IL1RAPL2: variants seen among roughly 807,000 people sequenced by gnomAD.
IL1RAPL2 encodes the protein interleukin 1 receptor accessory protein like 2.
A neutral mutation model predicts 44.1 loss-of-function variants in IL1RAPL2; 3 were observed. That is an observed-to-expected ratio of 0.07 (90% CI 0.03 to 0.18). The LOEUF (loss-of-function observed/expected upper bound fraction) is 0.18. Among genes scored for constraint, IL1RAPL2 ranks in the 10% least tolerant of loss-of-function variants. The probability of loss-of-function intolerance (pLI) is 1.00; values close to 1 mark genes in which losing one functional copy is unlikely to be tolerated. For synonymous variants in IL1RAPL2, 181 were observed against 178.8 expected (o/e 1.01, Z -0.10); for missense variants, 391 against 496.4 (o/e 0.79, Z 2.02).
intron 2 of IL1RAPL2, among the ~76,000 whole-genome samples, chrX:104,674,177 A>T (rs778811900): frequency 9.8e-5 from 11 of 112,083 alleles, no homozygotes; most frequent in East Asian, 5.6e-4. Context: ...GTCTTGTGCC[A>T]GTTTTCAAAG....
At chrX:105,686,380 C>CA (rs1177667576) in intron 6 of IL1RAPL2, among the ~76,000 whole-genome samples, 604 of 25,115 alleles carry the variant, frequency 0.024, 9 homozygotes, top group East Asian at 0.049. Flanking sequence ...AAATGGAAAG[C>CA]AAAAAAAAAA....
intron 2 of IL1RAPL2, among the ~76,000 whole-genome samples, chrX:104,913,572 A>G (rs896824724): frequency 2.7e-5 from 3 of 111,804 alleles, no homozygotes; most frequent in East Asian, 2.8e-4. Flanking sequence ...ATTTTAAGCA[A>G]CAGTAAAGGA....
At chrX:104,752,952 A>ATG (rs941505995) in intron 2 of IL1RAPL2, among the ~76,000 whole-genome samples, 9 of 109,658 alleles carry the variant, frequency 8.2e-5, no homozygotes, top group African/African-American at 3.0e-4. Flanking sequence ...AACTTTGCTC[A>ATG]TGTGCCCTGT....
At chrX:105,287,024 G>A (rs908989807) in intron 5 of IL1RAPL2, among the ~76,000 whole-genome samples, 3 of 111,918 alleles carry the variant, frequency 2.7e-5, no homozygotes, top group African/African-American at 9.7e-5. Flanking sequence ...AGAAAATCAC[G>A]CACAGTTCTT....
chrX:104,946,205 T>C (rs774310696), intron 2 of IL1RAPL2, among the ~76,000 whole-genome samples: 30 of 100,718 alleles, frequency 3.0e-4, no homozygotes, highest in Non-Finnish European at 4.4e-4. Flanking sequence ...ACCCCGTCTC[T>C]ACTAAAAATA....
intron 2 of IL1RAPL2, among the ~76,000 whole-genome samples, chrX:104,911,009 C>A (rs778607235): frequency 1.2e-4 from 13 of 111,451 alleles, no homozygotes; most frequent in South Asian, 3.8e-4. Context: ...ATGAAGCAAC[C>A]AACTTTATGC....
intron 2 of IL1RAPL2, among the ~76,000 whole-genome samples, chrX:104,973,663 A>G (rs1316363596): frequency 8.9e-6 from 1 of 112,246 alleles, no homozygotes; most frequent in African/African-American, 3.2e-5. Context: ...AGTCAATTAT[A>G]AACAATTTTC....
intron 2 of IL1RAPL2, among the ~76,000 whole-genome samples, chrX:104,668,767 C>A (rs1427716911): frequency 1.8e-5 from 2 of 108,794 alleles, no homozygotes; most frequent in Non-Finnish European, 3.8e-5. Context: ...TTCTGCATCT[C>A]TGAAGTAGCG....
At chrX:105,392,907 A>G (rs1444640253) in intron 5 of IL1RAPL2, among the ~76,000 whole-genome samples, 3 of 111,915 alleles carry the variant, frequency 2.7e-5, no homozygotes, top group African/African-American at 6.5e-5. Context: ...TGTTGGCTCT[A>G]CTCTTTAAGT....
intron 4 of IL1RAPL2, among the ~76,000 whole-genome samples, chrX:105,241,689 T>C (rs2034172102): frequency 8.9e-6 from 1 of 111,952 alleles, no homozygotes; most frequent in Admixed American, 9.5e-5. Flanking sequence ...ATTTCAATGT[T>C]CAATTTACAA....
In IL1RAPL2 at chrX:104,775,969, T is replaced by C. The variant is rs373709643; in HGVS notation, c.82+116974T>C. Among the ~76,000 whole-genome samples, 8 of 107,223 alleles carry C rather than the reference T, an allele frequency of 7.5e-5. No homozygotes were observed. The East Asian group carries it at 1.2e-3, about 17-fold the overall frequency. The allele number at this position is 107,223 out of a possible 115,157, so 93.1% of individuals were successfully genotyped here. A position where few individuals can be genotyped will look rare whatever the true frequency, so the allele number is the denominator to read the frequency against. On this transcript the variant is annotated intron_variant, in intron 2 of 10. Transcript: ENST00000372582. ...ACAGTAATGGGTATATGAGGGAGGA[T>C]TGGGATCCTGAGAGAAGAGGTATTC...
chrX:105,476,006 C>CA (rs2036195672), intron 5 of IL1RAPL2, among the ~76,000 whole-genome samples: 1 of 112,701 alleles, frequency 8.9e-6, no homozygotes, highest in Non-Finnish European at 1.9e-5. Flanking sequence ...AGGGCACATC[C>CA]ACTGAATTGC....
intron 5 of IL1RAPL2, among the ~76,000 whole-genome samples, chrX:105,435,667 A>G (rs1379650427): frequency 1.8e-5 from 2 of 112,199 alleles, no homozygotes; most frequent in East Asian, 2.8e-4. Flanking sequence ...GATAGACTGG[A>G]TAAAGAAAAT....
At chrX:104,611,710 G>A (rs980036122) in intron 1 of IL1RAPL2, among the ~76,000 whole-genome samples, 4 of 109,154 alleles carry the variant, frequency 3.7e-5, no homozygotes, top group Non-Finnish European at 5.7e-5. Flanking sequence ...GATGGCAGGC[G>A]CCTGTAGTCC....
At chrX:104,944,235 A>G (rs1320326345) in intron 2 of IL1RAPL2, among the ~76,000 whole-genome samples, 1 of 112,169 alleles carries the variant, frequency 8.9e-6, no homozygotes, top group Non-Finnish European at 1.9e-5. Context: ...CCTCTAGTAG[A>G]AAAGCAAGGA....
At chrX:104,903,342 A>G (rs1174689495) in intron 2 of IL1RAPL2, among the ~76,000 whole-genome samples, 1 of 111,983 alleles carries the variant, frequency 8.9e-6, no homozygotes, top group African/African-American at 3.2e-5. Context: ...CTGGTTTCAC[A>G]GATGAGAAAT....
chrX:104,683,206 AC>A (rs1167316540), intron 2 of IL1RAPL2, among the ~76,000 whole-genome samples: 7 of 111,851 alleles, frequency 6.3e-5, no homozygotes, highest in Non-Finnish European at 1.3e-4. Flanking sequence ...TAGAACAGAG[AC>A]CTGATCTACT....
chrX:104,608,034 G>A (rs182004188), intron 1 of IL1RAPL2, among the ~76,000 whole-genome samples: 2,078 of 110,841 alleles, frequency 0.019, 53 homozygotes, highest in African/African-American at 0.065. Context: ...ATACACCATG[G>A]AATACTATGC....
At chrX:105,522,752 A>T (rs1014624070) in intron 6 of IL1RAPL2, among the ~76,000 whole-genome samples, 1 of 112,120 alleles carries the variant, frequency 8.9e-6, no homozygotes, top group South Asian at 3.7e-4. Context: ...TGTGAAGGCA[A>T]AGTTAAGAAC....
Sources: gnomAD v4.1 joint callset for allele counts (sites outside exome capture counted in the v4.1 genomes callset) on GRCh38, gnomAD v4.1.1 for gene constraint, MANE v1.5 for transcripts, NCBI Gene and HGNC (gene_info 2026-07-23, HGNC 2026-07-21) for gene names.